The following SLCO4C1 variants were observed in gnomAD, a reference collection of about 807,000 sequenced individuals.
SLCO4C1 encodes organic anion transporter M1.
Under a neutral mutation model 72.1 loss-of-function variants are expected in SLCO4C1, and 58 were observed. The observed-to-expected ratio is 0.80, with a 90% CI of 0.65 to 1.00. The LOEUF is 1.00. SLCO4C1 is among the 50% of genes least tolerant of loss of function. SLCO4C1 has a pLI of 0.00. For missense variants in SLCO4C1, 898 were observed against 857.9 expected, an observed-to-expected ratio of 1.05 and a Z score of -0.58; for synonymous variants, 297 against 312.5, an observed-to-expected ratio of 0.95 and a Z score of 0.52.
intron 2 of SLCO4C1, among the ~76,000 whole-genome samples, chr5:102,285,080 T>A (rs1394863955): frequency 1.3e-5 from 2 of 152,074 alleles, no homozygotes; most frequent in Admixed American, 1.3e-4. Context: ...ATGTCCTAAA[T>A]TAGACTAAGA....
At chr5:102,287,865 T>C (rs766911445) in intron 2 of SLCO4C1, among the ~76,000 whole-genome samples, 1 of 150,850 alleles carries the variant, frequency 6.6e-6, no homozygotes, top group Non-Finnish European at 1.5e-5. Context: ...GGTTTTATCA[T>C]TTCTAACATC....
At position 102,270,425 on chromosome 5, in the gene SLCO4C1, GATCAACAAAAATC is replaced by G. The variant is rs1157135294; in HGVS notation, c.802+186_802+198del. ...GCCTAGAGCAAGAAATACAGCAGAG[GATCAACAAAAATC>G]ATTATAATTTATATTTACTGACATT... On this transcript the variant is annotated intron_variant, in intron 3 of 12. Coordinates refer to ENST00000310954, the MANE Select transcript of SLCO4C1 (RefSeq NM_180991.5). Among the ~76,000 whole-genome samples, 3 of 152,110 alleles carry G rather than the reference GATCAACAAAAATC, an allele frequency of 2.0e-5. No homozygotes were observed. In the East Asian group the frequency reaches 5.8e-4, roughly 29 times the overall value.
chr5:102,264,353 T>C (rs1748996417), intron 3 of SLCO4C1, among the ~76,000 whole-genome samples: 1 of 152,140 alleles, frequency 6.6e-6, no homozygotes, highest in Non-Finnish European at 1.5e-5. Flanking sequence ...TGTTGCCATA[T>C]ATAACTCTGA....
In SLCO4C1 at chr5:102,240,704, G is replaced by T; in HGVS notation, c.1876+14C>A. Reference sequence around the variant, plus strand: ...TAGCCAACAGTTAGCAATGAATAAAGAAAAATGGCATACCTAATAATCGAA... The same window carrying T: ...TAGCCAACAGTTAGCAATGAATAAATAAAAATGGCATACCTAATAATCGAA... On this transcript the variant is annotated intron_variant, in intron 11 of 12. Transcript: ENST00000310954. 1 of 1,604,596 alleles carries T rather than the reference G, an allele frequency of 6.2e-7. No individual in the cohort carries two copies. The highest frequency in any genetic ancestry group is 8.5e-7 in the Non-Finnish European group (1 of 1,174,364).
intron 1 of SLCO4C1, 91 bp from the exon 2 acceptor site, chr5:102,291,697 TC>T: frequency 2.6e-6 from 3 of 1,146,872 alleles, no homozygotes; most frequent in East Asian, 2.8e-5. Context: ...ATTATTCATT[TC>T]TTTTTTTTCT....
chr5:102,290,746 C>T (rs1271169653), intron 2 of SLCO4C1, among the ~76,000 whole-genome samples: 1 of 152,114 alleles, frequency 6.6e-6, no homozygotes, highest in Non-Finnish European at 1.5e-5. Flanking sequence ...TCTGGCTCTA[C>T]TATATTTGTT....
chr5:102,284,280 C>T (rs1025890569), intron 2 of SLCO4C1, among the ~76,000 whole-genome samples: 2 of 152,058 alleles, frequency 1.3e-5, no homozygotes, highest in Non-Finnish European at 2.9e-5. Context: ...TAATATACCT[C>T]ATCAAAGGAC....
chr5:102,259,788 A>G (rs1239508949), intron 6 of SLCO4C1, among the ~76,000 whole-genome samples: 3 of 152,176 alleles, frequency 2.0e-5, no homozygotes, highest in African/African-American at 7.2e-5. Flanking sequence ...AATCAATTTC[A>G]TAAGGAAAAT....
At chr5:102,266,275 A>G (rs1749036928) in intron 3 of SLCO4C1, among the ~76,000 whole-genome samples, 1 of 152,102 alleles carries the variant, frequency 6.6e-6, no homozygotes. Context: ...CCTCTTCTCC[A>G]ATTTTGATGT....
At chr5:102,247,483 A>G in intron 9 of SLCO4C1, 41 bp from the exon 10 acceptor site, 7 of 1,330,388 alleles carry the variant, frequency 5.3e-6, no homozygotes, top group Non-Finnish European at 6.2e-6. Context: ...GTGATCATTT[A>G]GAAAATAAAT....
intron 2 of SLCO4C1, among the ~76,000 whole-genome samples, chr5:102,280,510 C>T (rs1749335442): frequency 6.6e-6 from 1 of 151,670 alleles, no homozygotes; most frequent in Admixed American, 6.6e-5. Context: ...ATTGGAAGAC[C>T]CAACATAGTA....
chr5:102,290,338 G>A (rs1391987491), intron 2 of SLCO4C1, among the ~76,000 whole-genome samples: 1 of 152,106 alleles, frequency 6.6e-6, no homozygotes, highest in Non-Finnish European at 1.5e-5. Context: ...GAGCCCCCAC[G>A]CCTAGCTCAA....
At position 102,270,823 on chromosome 5, in the gene SLCO4C1, A is replaced by AT. The variant is rs1554058524; in HGVS notation, c.620-18dup. 5.2e-5 allele frequency: 80 copies of AT among 1,542,122 alleles called. No homozygotes were observed. The highest frequency in any genetic ancestry group is 1.5e-4 in the Admixed American group (7 of 47,634). ...CACAAGTGTCTTTGTGGAAAAAAAA[A>AT]TTGTGAATTTATAGAAATTCAGCTA... On this transcript the variant is annotated splice_polypyrimidine_tract_variant and intron_variant, in intron 2 of 12. Transcript: ENST00000310954.
intron 8 of SLCO4C1, among the ~76,000 whole-genome samples, chr5:102,251,024 G>T (rs985971409): frequency 2.6e-5 from 4 of 151,850 alleles, no homozygotes; most frequent in African/African-American, 9.7e-5. Context: ...ATGAGTACAA[G>T]TAAGCCAGTC....
intron 10 of SLCO4C1, among the ~76,000 whole-genome samples, chr5:102,243,170 C>T (rs1748577472): frequency 1.3e-5 from 2 of 152,264 alleles, no homozygotes; most frequent in South Asian, 2.1e-4. Flanking sequence ...GTTTCCATGC[C>T]AGCTTAGCCG....
At chr5:102,274,639 T>C (rs1011619821) in intron 2 of SLCO4C1, among the ~76,000 whole-genome samples, 2 of 152,132 alleles carry the variant, frequency 1.3e-5, no homozygotes, top group Admixed American at 1.3e-4. Context: ...CCAGGAGATG[T>C]GTATCTATGC....
chr5:102,276,756 T>C (rs569905142), intron 2 of SLCO4C1, among the ~76,000 whole-genome samples: 91 of 152,292 alleles, frequency 6.0e-4, no homozygotes, highest in Non-Finnish European at 9.7e-4. Context: ...GCTCTGTCAA[T>C]TTAGTGAACT....
At chr5:102,274,065 G>A (rs1219166605) in intron 2 of SLCO4C1, among the ~76,000 whole-genome samples, 6 of 152,020 alleles carry the variant, frequency 3.9e-5, no homozygotes, top group African/African-American at 9.7e-5. Context: ...CACGACATTA[G>A]CTATTATTTG....
intron 10 of SLCO4C1, among the ~76,000 whole-genome samples, chr5:102,241,517 T>A (rs1748539333): frequency 1.3e-5 from 2 of 150,584 alleles, no homozygotes; most frequent in Admixed American, 1.3e-4. Context: ...GAAAAAAAAA[T>A]ACTTAGGAAT....
Sources: gnomAD v4.1 joint callset for allele counts (sites outside exome capture counted in the v4.1 genomes callset) on GRCh38, gnomAD v4.1.1 for gene constraint, MANE v1.5 for transcripts, NCBI Gene and HGNC (gene_info 2026-07-23, HGNC 2026-07-21) for gene names.